The following PYROXD2 variants were observed in gnomAD, a reference collection of about 807,000 sequenced individuals.
PYROXD2 encodes pyridine nucleotide-disulfide oxidoreductase domain-containing protein 2.
In PYROXD2, 69 loss-of-function variants were observed where a neutral mutation model predicts 71.1. That is an observed-to-expected ratio of 0.97 (90% CI 0.80 to 1.19). The LOEUF (loss-of-function observed/expected upper bound fraction) is 1.19, where lower values mean the gene tolerates loss of function less well. PYROXD2 is among the 50% of genes most tolerant of loss of function. The probability of loss-of-function intolerance (pLI) is 0.00; values close to 1 mark genes in which losing one functional copy is unlikely to be tolerated. For missense variants in PYROXD2, 745 were observed against 748.9 expected (o/e 0.99, Z 0.06); for synonymous variants, 287 against 302.7 (o/e 0.95, Z 0.54).
intron 8 of PYROXD2, 103 bp from the exon 9 acceptor site, chr10:98,393,186 GC>G: frequency 1.1e-6 from 1 of 920,504 alleles, no homozygotes; most frequent in Non-Finnish European, 1.6e-6. Context: ...GCCCTTCCCT[GC>G]CACCATCCAG....
intron 14 of PYROXD2, among the ~76,000 whole-genome samples, chr10:98,385,996 GCCGGTTGTGGTGGCCCATGC>G (rs1313458980): frequency 6.6e-6 from 1 of 152,178 alleles, no homozygotes; most frequent in African/African-American, 2.4e-5. Context: ...TAAAAGCAGA[GCCGGTTGTGGTGGCCCATGC>G]CTGCAATCCC....
At position 98,391,084 on chromosome 10, in the gene PYROXD2, T is replaced by C. The variant is rs1376052497; in HGVS notation, c.1063-2A>G. ...CAGGAACTCCTCAGGAAGCCACTCC[T>C]GGAAGGAGAAGGCTCCATGAAAGGC... On this transcript the variant is annotated splice_acceptor_variant, in intron 10 of 15. Coordinates refer to ENST00000370575, the MANE Select transcript of PYROXD2 (RefSeq NM_032709.3). LOFTEE classifies it high-confidence loss of function. 2 of 1,606,618 alleles carry C rather than the reference T, an allele frequency of 1.2e-6. No homozygotes were observed. Among genetic ancestry groups the C allele is most frequent in the South Asian group, 2.2e-5 (2 of 90,948 alleles).
At chr10:98,397,572 A>C in intron 5 of PYROXD2, 74 bp from the exon 6 acceptor site, 3 of 1,448,316 alleles carry the variant, frequency 2.1e-6, no homozygotes, top group Non-Finnish European at 2.7e-6. Context: ...ATGGCCTGTC[A>C]CCCCCCCACA....
chr10:98,393,756 T>C (rs534284136), intron 8 of PYROXD2, among the ~76,000 whole-genome samples: 1 of 152,220 alleles, frequency 6.6e-6, no homozygotes, highest in East Asian at 1.9e-4. Flanking sequence ...CACTCACTTA[T>C]CACCATTCCA....
In PYROXD2 at chr10:98,400,161, CCAG is replaced by C. The variant is rs564038562; in HGVS notation, c.409_411del (p.Leu137del). On this transcript the variant is annotated inframe_deletion, in exon 5 of 16. Transcript: ENST00000370575. ...TTCTGGTTTTCTGCCATGTCTGTGC[CCAG>C]CAGAAGGCACCTGGGCACCTTGCTG... 84 of 1,613,754 alleles carry C rather than the reference CCAG, an allele frequency of 5.2e-5. No individual in the cohort carries two copies. The highest frequency in any genetic ancestry group is 1.7e-4 in the Admixed American group (10 of 59,966).
chr10:98,397,531 T>C (rs2135975724), intron 5 of PYROXD2, 33 bp from the exon 6 acceptor site: 1 of 1,545,692 alleles, frequency 6.5e-7, no homozygotes. Context: ...GGCCCCACTG[T>C]CCACATCCCT....
chr10:98,392,832 C>T (rs1842992229), intron 9 of PYROXD2, 110 bp downstream of exon 9: 15 of 1,297,548 alleles, frequency 1.2e-5, no homozygotes, highest in East Asian at 9.3e-5. Context: ...CAACCCATCC[C>T]CTCATGGCCC....
rs766897720 is a variant in PYROXD2 at position 98,388,348 on chromosome 10, CTT to C, written c.1447+4_1447+5del. On this transcript the variant is annotated splice_donor_5th_base_variant and intron_variant, in intron 13 of 15. Transcript: ENST00000370575. ...CTCTGGAGGCAGAACGTGCAGCTGTCTTTACCTCTGTCTGCATAAGCGTCTCT... is the reference window on the plus strand; with the variant it reads ...CTCTGGAGGCAGAACGTGCAGCTGTCTACCTCTGTCTGCATAAGCGTCTCT... The C allele has an allele frequency of 2.5e-6, 4 of 1,613,768 alleles. No individual in the cohort carries two copies. The South Asian group carries it at 4.4e-5, about 18-fold the overall frequency.
At chr10:98,388,608 C>T (rs1842842022) in intron 12 of PYROXD2, 100 bp from the exon 13 acceptor site, 3 of 1,248,292 alleles carry the variant, frequency 2.4e-6, no homozygotes, top group Non-Finnish European at 3.2e-6. Context: ...TGAGATGACA[C>T]CAATTCTGGG....
chr10:98,413,644 G>T (rs1464023292), intron 1 of PYROXD2, among the ~76,000 whole-genome samples: 3 of 152,126 alleles, frequency 2.0e-5, no homozygotes, highest in Non-Finnish European at 4.4e-5. Flanking sequence ...AACCCAGGAG[G>T]CGGAGGTTGC....
intron 3 of PYROXD2, 75 bp downstream of exon 3, chr10:98,407,829 C>G: frequency 1.4e-6 from 2 of 1,464,292 alleles, no homozygotes; most frequent in Non-Finnish European, 1.8e-6. Context: ...GAGACCGTCA[C>G]CCGGGGTCAG....
Position 98,388,433 on chromosome 10 carries a change from G to A in PYROXD2, c.1368C>T (p.Leu456=), listed in dbSNP as rs775530597. The A allele has an allele frequency of 2.5e-6, 4 of 1,613,534 alleles. No homozygotes were observed. Among genetic ancestry groups the A allele is most frequent in the South Asian group, 2.2e-5 (2 of 90,950 alleles). Residue 456 remains leucine, a synonymous_variant, in exon 13 of 16, where the codon CTC becomes CTT. Transcript: ENST00000370575. ...LAPPGCHVVS[L]FTQYMPYTLA... ...GCGTATAGGGCATGTACTGAGTGAA[G>A]AGGGAGACTACATGGCAGCCAGGGG...
chr10:98,389,685 T>G (rs1842882307), intron 12 of PYROXD2, among the ~76,000 whole-genome samples: 1 of 152,160 alleles, frequency 6.6e-6, no homozygotes, highest in African/African-American at 2.4e-5. Flanking sequence ...TATTCTCACT[T>G]CCTTCCGGTC....
chr10:98,384,787 G>A (rs1842696760), intron 15 of PYROXD2, among the ~76,000 whole-genome samples, 160 bp downstream of exon 15: 1 of 152,192 alleles, frequency 6.6e-6, no homozygotes, highest in Non-Finnish European at 1.5e-5. Flanking sequence ...GTGCTCACCT[G>A]TGCATGGATA....
chr10:98,411,064 G>T, intron 1 of PYROXD2, 106 bp from the exon 2 acceptor site: 1 of 1,499,768 alleles, frequency 6.7e-7, no homozygotes, highest in Non-Finnish European at 9.0e-7. Flanking sequence ...ATGCCATGAA[G>T]ATCCTTGGTG....
chr10:98,404,385 A>G (rs1843523423), intron 4 of PYROXD2, among the ~76,000 whole-genome samples: 1 of 152,196 alleles, frequency 6.6e-6, no homozygotes, highest in African/African-American at 2.4e-5. Context: ...AGCCTGATTC[A>G]TTTATGAATC....
At chr10:98,401,274 A>AAAAAAAAAAAAAAC (rs1346918539) in intron 4 of PYROXD2, among the ~76,000 whole-genome samples, 1 of 65,380 alleles carries the variant, frequency 1.5e-5, no homozygotes, top group African/African-American at 9.0e-5. Flanking sequence ...AAACAAAAAA[A>AAAAAAAAAAAAAAC]AACAAACATA....
At chr10:98,403,641 A>G (rs979534034) in intron 4 of PYROXD2, among the ~76,000 whole-genome samples, 2 of 152,112 alleles carry the variant, frequency 1.3e-5, no homozygotes, top group African/African-American at 4.8e-5. Flanking sequence ...AGATGTCCAC[A>G]TGGCTGCTGC....
Position 98,407,663 on chromosome 10 carries a change from C to G in PYROXD2, c.242-8G>C, listed in dbSNP as rs201079830. ...CGCGGGAGAACTTAAACCCTGAAAC[C>G]GAATCCGATGAAGACTGTCACCAGG... On this transcript the variant is annotated splice_region_variant and splice_polypyrimidine_tract_variant and intron_variant, in intron 3 of 15. Coordinates refer to ENST00000370575, the MANE Select transcript of PYROXD2 (RefSeq NM_032709.3). 5 of 1,613,680 alleles carry G rather than the reference C, an allele frequency of 3.1e-6. No homozygotes were observed. The highest frequency in any genetic ancestry group is 3.4e-6 in the Non-Finnish European group (4 of 1,179,942).
Sources: allele counts gnomAD v4.1 joint callset (sites outside exome capture counted in the v4.1 genomes callset), GRCh38; gene constraint gnomAD v4.1.1; transcripts MANE v1.5; gene names NCBI Gene and HGNC (gene_info 2026-07-23, HGNC 2026-07-21).